SGCZ: variants seen among roughly 807,000 people sequenced by gnomAD.
SGCZ encodes the protein sarcoglycan zeta.
Under a neutral mutation model 41.3 loss-of-function variants are expected in SGCZ, and 40 were observed. The observed-to-expected ratio is 0.97, with a 90% CI of 0.75 to 1.26. SGCZ has a LOEUF of 1.26. Among genes scored for constraint, SGCZ ranks in the 50% most tolerant of loss-of-function variants. SGCZ has a pLI of 0.00. For missense variants in SGCZ, 552 were observed against 369.8 expected, an observed-to-expected ratio of 1.49 and a Z score of -4.04; for synonymous variants, 206 against 137.5, an observed-to-expected ratio of 1.50 and a Z score of -3.49.
intron 2 of SGCZ, among the ~76,000 whole-genome samples, chr8:14,461,049 C>A (rs1384383079): frequency 6.6e-6 from 1 of 152,004 alleles, no homozygotes; most frequent in Non-Finnish European, 1.5e-5. Context: ...AAGCACCACA[C>A]CACCCTGAGA....
chr8:15,138,230 G>C (rs555382958), intron 1 of SGCZ, among the ~76,000 whole-genome samples: 1 of 152,192 alleles, frequency 6.6e-6, no homozygotes. Context: ...CCCAATGCCT[G>C]TACTTCCATT....
chr8:14,519,250 T>C (rs1401880335), intron 2 of SGCZ, among the ~76,000 whole-genome samples: 1 of 152,066 alleles, frequency 6.6e-6, no homozygotes, highest in Non-Finnish European at 1.5e-5. Flanking sequence ...AAACCTTACC[T>C]ACAAGTAACT....
chr8:14,204,416 C>T (rs1013772613), intron 4 of SGCZ, among the ~76,000 whole-genome samples: 3 of 151,982 alleles, frequency 2.0e-5, no homozygotes, highest in Admixed American at 6.6e-5. Flanking sequence ...CAGCTCAGGT[C>T]TACTATGGGT....
intron 1 of SGCZ, among the ~76,000 whole-genome samples, chr8:15,092,789 A>G (rs934264353): frequency 6.6e-6 from 1 of 152,214 alleles, no homozygotes; most frequent in Non-Finnish European, 1.5e-5. Context: ...TCCTGATGGA[A>G]AATAATTGAG....
chr8:14,139,765 A>G (rs1803309972), intron 5 of SGCZ, among the ~76,000 whole-genome samples: 1 of 152,218 alleles, frequency 6.6e-6, no homozygotes, highest in African/African-American at 2.4e-5. Context: ...TACAAAGAGA[A>G]GCTGGTACCA....
intron 7 of SGCZ, among the ~76,000 whole-genome samples, chr8:14,093,087 G>A (rs140568036): frequency 6.6e-6 from 1 of 152,166 alleles, no homozygotes; most frequent in East Asian, 1.9e-4. Flanking sequence ...CAAAGAAATA[G>A]CTCTCTCCAG....
At chr8:15,176,628 A>C (rs1703806299) in intron 1 of SGCZ, among the ~76,000 whole-genome samples, 1 of 152,222 alleles carries the variant, frequency 6.6e-6, no homozygotes, top group Admixed American at 6.5e-5. Flanking sequence ...AATAATTGAA[A>C]ATATATACTT....
chr8:14,187,037 G>T (rs1295592478), intron 4 of SGCZ, among the ~76,000 whole-genome samples: 1 of 152,180 alleles, frequency 6.6e-6, no homozygotes, highest in Non-Finnish European at 1.5e-5. Context: ...TATCAGCTGG[G>T]TCTGGGTCAG....
At chr8:14,849,106 G>A (rs1444863796) in intron 1 of SGCZ, among the ~76,000 whole-genome samples, 1 of 152,074 alleles carries the variant, frequency 6.6e-6, no homozygotes, top group African/African-American at 2.4e-5. Context: ...ATTAAAATAT[G>A]CAATTTAAAA....
chr8:14,568,685 T>C (rs1427519918), intron 1 of SGCZ, among the ~76,000 whole-genome samples: 1 of 152,206 alleles, frequency 6.6e-6, no homozygotes, highest in Non-Finnish European at 1.5e-5. Context: ...TGCTTCTTCC[T>C]GTCAGGCATT....
chr8:14,308,086 G>A (rs1380902041), intron 3 of SGCZ, among the ~76,000 whole-genome samples: 1 of 152,014 alleles, frequency 6.6e-6, no homozygotes, highest in East Asian at 1.9e-4. Context: ...TATTCATTTT[G>A]TCAAAAATGA....
At chr8:14,760,408 AAGTATCCACCCTCT>A (rs1204292244) in intron 1 of SGCZ, among the ~76,000 whole-genome samples, 1 of 152,216 alleles carries the variant, frequency 6.6e-6, no homozygotes, top group Non-Finnish European at 1.5e-5. Flanking sequence ...AAAATCATAA[AAGTATCCACCCTCT>A]TTGTACAGCC....
At chr8:14,445,937 C>T (rs1800419561) in intron 2 of SGCZ, among the ~76,000 whole-genome samples, 1 of 152,174 alleles carries the variant, frequency 6.6e-6, no homozygotes, top group South Asian at 2.1e-4. Flanking sequence ...AAGCTTGCTC[C>T]TGCTGGATCC....
chr8:14,899,867 A>AGAAGAAGAAAAAGAAGAG (rs754251454), intron 1 of SGCZ, among the ~76,000 whole-genome samples: 6,574 of 151,780 alleles, frequency 0.043, 191 homozygotes, highest in Non-Finnish European at 0.061. Flanking sequence ...AAGAAGAAGA[A>AGAAGAAGAAAAAGAAGAG]GAGGAGGAGG....
intron 1 of SGCZ, among the ~76,000 whole-genome samples, chr8:14,847,764 C>G (rs1209864227): frequency 4.5e-4 from 59 of 130,450 alleles, no homozygotes; most frequent in Non-Finnish European, 8.0e-4. Context: ...GGAGGGGAGC[C>G]GCAGCTAACA....
At chr8:15,174,942 TC>T (rs1314306016) in intron 1 of SGCZ, among the ~76,000 whole-genome samples, 1 of 152,018 alleles carries the variant, frequency 6.6e-6, no homozygotes, top group Non-Finnish European at 1.5e-5. Context: ...GTGTGGCGAT[TC>T]CTCAAATACC....
chr8:14,718,252 T>C (rs1023805868), intron 1 of SGCZ, among the ~76,000 whole-genome samples: 5 of 151,958 alleles, frequency 3.3e-5, no homozygotes, highest in African/African-American at 1.2e-4. Flanking sequence ...AATGTTTTAA[T>C]TTTTCGTCAG....
chr8:15,061,371 C>T lies in SGCZ; in HGVS notation c.39+176214G>A, dbSNP rs547636899. 2.0e-4 allele frequency among the ~76,000 whole-genome samples: 31 copies of T among 151,726 alleles called. 1 individual carries two copies. In the South Asian group the frequency reaches 6.0e-3, roughly 30 times the overall value. On this transcript the variant is annotated intron_variant, in intron 1 of 7. Coordinates refer to ENST00000382080, the MANE Select transcript of SGCZ (RefSeq NM_139167.4). The stretch of plus-strand genomic sequence containing the variant: ...ACACAGGGAGGAGAACATCACACAC[C>T]GGGGCCTGTTGGGGGTGCGGGGCTA...
At chr8:14,322,622 T>A (rs911907223) in intron 3 of SGCZ, among the ~76,000 whole-genome samples, 10 of 152,134 alleles carry the variant, frequency 6.6e-5, no homozygotes, top group African/African-American at 2.2e-4. Flanking sequence ...TGTTCCCACG[T>A]AGCGACTACA....
Sources: allele counts gnomAD v4.1 joint callset (sites outside exome capture counted in the v4.1 genomes callset), GRCh38; gene constraint gnomAD v4.1.1; transcripts MANE v1.5; gene names NCBI Gene and HGNC (gene_info 2026-07-23, HGNC 2026-07-21).